ERCC8: variants seen among roughly 807,000 people sequenced by gnomAD.
ERCC8 encodes ERCC excision repair 8, CSA ubiquitin ligase complex subunit, also known as DNA excision repair protein ERCC-8.
ERCC8 carries 52 observed loss-of-function variants against 54.9 expected under a neutral mutation model. That is an observed-to-expected ratio of 0.95 (90% CI 0.76 to 1.19). The LOEUF (loss-of-function observed/expected upper bound fraction) is 1.19. Ranked by LOEUF, ERCC8 falls within the 50% of genes most tolerant of loss-of-function variation. The pLI is 0.00. For synonymous variants in ERCC8, 146 were observed against 157.2 expected (o/e 0.93, Z 0.53); for missense variants, 514 against 466.1 (o/e 1.10, Z -0.95).
chr5:60,916,340 CTTACT>C (rs1214144580), intron 4 of ERCC8, among the ~76,000 whole-genome samples: 1 of 151,994 alleles, frequency 6.6e-6, no homozygotes, highest in Non-Finnish European at 1.5e-5. Flanking sequence ...AGTCTCTTGC[CTTACT>C]TTAATGACAA....
At chr5:60,916,932 CAAAT>C (rs1749453465) in intron 4 of ERCC8, among the ~76,000 whole-genome samples, 1 of 151,516 alleles carries the variant, frequency 6.6e-6, no homozygotes, top group Admixed American at 6.6e-5. Flanking sequence ...TCTAGAACAA[CAAAT>C]AAGACAAACA....
chr5:60,942,979 A>T (rs187832884), intron 1 of ERCC8, among the ~76,000 whole-genome samples: 52 of 152,278 alleles, frequency 3.4e-4, no homozygotes, highest in Admixed American at 2.1e-3. Flanking sequence ...AAATATTTTT[A>T]AAAAAATTTT....
intron 9 of ERCC8, chr5:60,892,334 T>C: frequency 1.8e-6 from 1 of 554,794 alleles, no homozygotes; most frequent in South Asian, 1.4e-5. Context: ...ACCCAATAGC[T>C]CATCAGATTC....
intron 4 of ERCC8, among the ~76,000 whole-genome samples, chr5:60,909,243 GAAAAAAAAAAAAAA>G (rs60064294): frequency 3.0e-4 from 6 of 19,948 alleles, no homozygotes; most frequent in South Asian, 4.7e-3. Flanking sequence ...GCCCTATTCT[GAAAAAAAAAAAAAA>G]AAAAAAAAAA....
In ERCC8 at chr5:60,874,499, A is replaced by G. The variant is rs1747937844; in HGVS notation, c.*116T>C. On this transcript the variant is annotated 3_prime_UTR_variant, in exon 12 of 12. Transcript: ENST00000676185. ...TAACCTCATTTTAAAACATGAGGAA[A>G]AATATTACCCACATTTAGGGCTAAT... is the stretch of plus-strand genomic sequence containing the variant. The G allele has an allele frequency of 3.5e-6, 3 of 847,858 alleles. No homozygotes were observed. The highest frequency in any genetic ancestry group is 3.8e-6 in the Non-Finnish European group (2 of 526,906). 52.5% of individuals were successfully genotyped at this position (847,858 alleles called of 1,614,324 possible).
At chr5:60,878,587 C>G (rs933438118) in intron 11 of ERCC8, among the ~76,000 whole-genome samples, 5 of 151,994 alleles carry the variant, frequency 3.3e-5, no homozygotes, top group East Asian at 3.9e-4. Context: ...ACTTCTTCCT[C>G]GTTTAGTCTT....
chr5:60,890,890 T>C lies in ERCC8; in HGVS notation c.1040A>G (p.Gln347Arg), dbSNP rs767092500. The change falls in exon 10 of 12, where the codon CAG (glutamine) becomes CGG (arginine). Residue 347 changes from glutamine (Q) to arginine (R), a missense_variant and splice_region_variant. By Grantham distance (43) the Gln-to-Arg change is conservative. Transcript: ENST00000676185. ...TTTAAATTCCTGTATCACTCTTACCTGGAAATTTGACTGAAATACACAGCA... is the reference window on the plus strand; with the variant it reads ...TTTAAATTCCTGTATCACTCTTACCCGGAAATTTGACTGAAATACACAGCA... Reference protein sequence around the residue: ...VDCCVFQSNFQELYSGSRDCN... With the variant: ...VDCCVFQSNFRELYSGSRDCN... 6.2e-7 allele frequency: 1 copy of C among 1,610,796 alleles called. No individual in the cohort carries two copies. Among genetic ancestry groups the C allele is most frequent in the South Asian group, 1.1e-5 (1 of 90,988 alleles).
chr5:60,923,265 A>G (rs1187960028), intron 2 of ERCC8, among the ~76,000 whole-genome samples: 2 of 152,166 alleles, frequency 1.3e-5, no homozygotes, highest in South Asian at 2.1e-4. Context: ...AGTAACAAGC[A>G]TATATACTAA....
intron 9 of ERCC8, chr5:60,893,638 G>T: frequency 1.8e-6 from 1 of 570,986 alleles, no homozygotes; most frequent in East Asian, 3.1e-5. Context: ...TACTTCCGGC[G>T]GGGATCTGAG....
intron 11 of ERCC8, among the ~76,000 whole-genome samples, chr5:60,882,970 A>AACACAC (rs10550173): frequency 0.059 from 8,540 of 144,744 alleles, 602 homozygotes; most frequent in African/African-American, 0.17. Context: ...GCCCTGGGAA[A>AACACAC]ACACACACAC....
chr5:60,880,430 A>G (rs1027799383), intron 11 of ERCC8, among the ~76,000 whole-genome samples: 2 of 152,190 alleles, frequency 1.3e-5, no homozygotes, highest in South Asian at 4.1e-4. Flanking sequence ...AGATTGGGGA[A>G]GTTCTCCTGG....
intron 1 of ERCC8, among the ~76,000 whole-genome samples, chr5:60,933,006 C>G (rs1749954065): frequency 6.6e-6 from 1 of 152,104 alleles, no homozygotes; most frequent in South Asian, 2.1e-4. Context: ...TTATTAATAG[C>G]TAGCATTCAC....
At chr5:60,921,248 C>T (rs562941564) in intron 3 of ERCC8, among the ~76,000 whole-genome samples, 7 of 151,922 alleles carry the variant, frequency 4.6e-5, no homozygotes, top group African/African-American at 9.6e-5. Context: ...AAATCTCCTC[C>T]GAAATATTCC....
intron 2 of ERCC8, among the ~76,000 whole-genome samples, chr5:60,922,836 G>T (rs1305920922): frequency 2.0e-5 from 3 of 152,250 alleles, no homozygotes; most frequent in East Asian, 3.9e-4. Flanking sequence ...AAAACAAGTA[G>T]TATGCATAAT....
At chr5:60,932,821 A>C (rs900034192) in intron 1 of ERCC8, among the ~76,000 whole-genome samples, 6 of 152,156 alleles carry the variant, frequency 3.9e-5, no homozygotes, top group African/African-American at 1.4e-4. Context: ...AGAGAAGGGA[A>C]AATGGGCAAG....
At chr5:60,888,887 C>G (rs1020873384) in intron 10 of ERCC8, among the ~76,000 whole-genome samples, 3 of 152,184 alleles carry the variant, frequency 2.0e-5, no homozygotes, top group African/African-American at 7.2e-5. Flanking sequence ...AGACCACATT[C>G]ATGTTTCATT....
rs113231890 is a variant in ERCC8 at position 60,915,187 on chromosome 5, C to T, written c.399+3078G>A. 96 of 152,098 alleles carry T rather than the reference C, an allele frequency of 6.3e-4. 5 individuals are homozygous for T. Among genetic ancestry groups the T allele is most frequent in the African/African-American group, 2.2e-3 (93 of 41,460 alleles). The allele number at this position is 152,098 out of a possible 1,614,324, so 9.4% of individuals were successfully genotyped here. A position where few individuals can be genotyped will look rare whatever the true frequency, so the allele number is the denominator to read the frequency against. The stretch of plus-strand genomic sequence containing the variant: ...TTTTAAGTGTTTAGAATAACTTACT[C>T]GTAAAGGCACCTAGGCCTGGAGATG... On this transcript the variant is annotated intron_variant, in intron 4 of 11. Coordinates refer to ENST00000676185, the MANE Select transcript of ERCC8 (RefSeq NM_000082.4).
rs540773259 is a variant in ERCC8 at position 60,935,354 on chromosome 5, T to C, written c.78-6395A>G. On this transcript the variant is annotated intron_variant, in intron 1 of 11. Transcript: ENST00000676185. The stretch of plus-strand genomic sequence containing the variant: ...CCTCAGCTTGGTCACTGTTGGTGTA[T>C]AGCAGAGCTACTGACTTGTGTATGT... Among the ~76,000 whole-genome samples, 16 of 152,360 alleles carry C rather than the reference T, an allele frequency of 1.1e-4. No individual in the cohort carries two copies. In the South Asian group the frequency reaches 1.7e-3, roughly 16 times the overall value.
At chr5:60,883,537 G>A (rs750654667) in intron 11 of ERCC8, among the ~76,000 whole-genome samples, 1 of 152,194 alleles carries the variant, frequency 6.6e-6, no homozygotes, top group Non-Finnish European at 1.5e-5. Flanking sequence ...AGGGGACCTA[G>A]TTATGAGTTT....
Sources: allele counts gnomAD v4.1 joint callset (sites outside exome capture counted in the v4.1 genomes callset), GRCh38; gene constraint gnomAD v4.1.1; transcripts MANE v1.5; gene names NCBI Gene and HGNC (gene_info 2026-07-23, HGNC 2026-07-21).